The following WASF2 variants were observed in gnomAD, a reference collection of about 807,000 sequenced individuals.
WASF2 encodes the protein actin-binding protein WASF2.
WASF2 carries 14 observed loss-of-function variants against 45.0 expected under a neutral mutation model. That is an observed-to-expected ratio of 0.31 (90% CI 0.21 to 0.49). The LOEUF is 0.49. Among genes scored for constraint, WASF2 ranks in the 20% least tolerant of loss-of-function variants. The probability of loss-of-function intolerance (pLI) is 0.99; values close to 1 mark genes in which losing one functional copy is unlikely to be tolerated. For synonymous variants in WASF2, 200 were observed against 236.3 expected (o/e 0.85, Z 1.41); for missense variants, 439 against 636.1 (o/e 0.69, Z 3.33).
intron 2 of WASF2, among the ~76,000 whole-genome samples, chr1:27,425,752 T>C (rs964962930): frequency 1.4e-5 from 2 of 141,700 alleles, no homozygotes; most frequent in Admixed American, 1.6e-4. Flanking sequence ...GGCAGGAGAA[T>C]GGCGTGAACC....
intron 1 of WASF2, among the ~76,000 whole-genome samples, chr1:27,473,233 C>T (rs1479229695): frequency 6.6e-6 from 1 of 151,844 alleles, no homozygotes; most frequent in South Asian, 2.1e-4. Flanking sequence ...CTAATTCCAG[C>T]ACTTTCAGAG....
At chr1:27,470,666 G>C (rs943018739) in intron 1 of WASF2, among the ~76,000 whole-genome samples, 1 of 152,026 alleles carries the variant, frequency 6.6e-6, no homozygotes, top group African/African-American at 2.4e-5. Context: ...GGGATTTGGG[G>C]GGCTGGGGAG....
At chr1:27,481,321 G>A (rs1406964013) in intron 1 of WASF2, among the ~76,000 whole-genome samples, 6 of 151,516 alleles carry the variant, frequency 4.0e-5, no homozygotes, top group Non-Finnish European at 1.5e-5. Context: ...TAACGCATGT[G>A]TGTATACACA....
chr1:27,440,922 A>G (rs1571139419), intron 1 of WASF2, among the ~76,000 whole-genome samples: 1 of 151,916 alleles, frequency 6.6e-6, no homozygotes. Context: ...GCTGGAGTGC[A>G]GTAGCACAAT....
intron 2 of WASF2, among the ~76,000 whole-genome samples, chr1:27,426,483 T>G (rs1010646762): frequency 1.7e-4 from 26 of 151,316 alleles, no homozygotes; most frequent in Middle Eastern, 6.8e-3. Flanking sequence ...TGCCTCTTAC[T>G]GGCTGTATCT....
chr1:27,454,823 TA>T (rs202125469), intron 1 of WASF2, among the ~76,000 whole-genome samples: 3,161 of 152,216 alleles, frequency 0.021, 102 homozygotes, highest in African/African-American at 0.071. Context: ...TGTAGGAACA[TA>T]TCATGATTAA....
intron 2 of WASF2, among the ~76,000 whole-genome samples, chr1:27,420,457 A>G (rs1418038311): frequency 6.6e-6 from 1 of 150,922 alleles, no homozygotes; most frequent in Non-Finnish European, 1.5e-5. Flanking sequence ...TCCAAGCCAC[A>G]GGCACATTCT....
chr1:27,442,800 C>T (rs1480539145), intron 1 of WASF2, among the ~76,000 whole-genome samples: 5 of 149,846 alleles, frequency 3.3e-5, no homozygotes, highest in Admixed American at 6.6e-5. Flanking sequence ...CAGGAGTTTG[C>T]GACCAGCCTG....
At chr1:27,451,412 T>C (rs1225698635) in intron 1 of WASF2, among the ~76,000 whole-genome samples, 1 of 152,150 alleles carries the variant, frequency 6.6e-6, no homozygotes, top group Non-Finnish European at 1.5e-5. Flanking sequence ...CCAGGAACAG[T>C]AAATGGCTTA....
At chr1:27,487,605 A>AT (rs1491239066) in intron 1 of WASF2, among the ~76,000 whole-genome samples, 5 of 98,866 alleles carry the variant, frequency 5.1e-5, no homozygotes, top group African/African-American at 2.1e-4. Context: ...ATAATATATA[A>AT]TATATATTAT....
chr1:27,467,321 T>G (rs79254633), intron 1 of WASF2, among the ~76,000 whole-genome samples: 1 of 147,620 alleles, frequency 6.8e-6, no homozygotes, highest in South Asian at 2.1e-4. Flanking sequence ...TGTTTTCTGT[T>G]TTTTTTTTTT....
intron 1 of WASF2, among the ~76,000 whole-genome samples, chr1:27,471,486 G>A (rs1292398764): frequency 6.6e-6 from 1 of 152,006 alleles, no homozygotes; most frequent in Non-Finnish European, 1.5e-5. Context: ...AAATTAGCTG[G>A]GCATGGTGGT....
chr1:27,486,030 T>C (rs1363565472), intron 1 of WASF2, among the ~76,000 whole-genome samples: 3 of 152,052 alleles, frequency 2.0e-5, no homozygotes, highest in East Asian at 1.9e-4. Context: ...GTTTTACCTA[T>C]AGAGATCTAC....
chr1:27,424,668 A>G (rs1006714571), intron 2 of WASF2, among the ~76,000 whole-genome samples: 1 of 152,054 alleles, frequency 6.6e-6, no homozygotes, highest in South Asian at 2.1e-4. Flanking sequence ...GTACAGGCAC[A>G]CGCCACCACA....
chr1:27,418,856 T>C, intron 3 of WASF2, 98 bp downstream of exon 3: 1 of 1,419,614 alleles, frequency 7.0e-7, no homozygotes, highest in Non-Finnish European at 9.4e-7. Flanking sequence ...CTCTGTGATT[T>C]CTCTCCTCAC....
intron 1 of WASF2, among the ~76,000 whole-genome samples, chr1:27,476,206 T>C (rs554533247): frequency 6.6e-6 from 1 of 152,340 alleles, no homozygotes; most frequent in Admixed American, 6.5e-5. Context: ...AGGTAAATGG[T>C]GTCTTAGGCC....
At position 27,410,313 on chromosome 1, in the gene WASF2, T is replaced by C. The variant is rs1269728949; in HGVS notation, c.825-107A>G. The stretch of plus-strand genomic sequence containing the variant: ...AGGTTTATCTTGGTTGACTATACCA[T>C]TTCACTTTCACTTAAACAGAAAGAA... On this transcript the variant is annotated intron_variant, in intron 7 of 8. Coordinates refer to ENST00000618852, the MANE Select transcript of WASF2 (RefSeq NM_006990.5). The surrounding 1 kb of genome is among the most constrained non-coding windows in gnomAD (Gnocchi z 4.2). 3 of 1,491,758 alleles carry C rather than the reference T, an allele frequency of 2.0e-6. No individual in the cohort carries two copies. Among genetic ancestry groups the C allele is most frequent in the Non-Finnish European group, 2.7e-6 (3 of 1,115,476 alleles). 92.4% of individuals were successfully genotyped at this position (1,491,758 alleles called of 1,614,324 possible). A position where few individuals can be genotyped will look rare whatever the true frequency, so the allele number is the denominator to read the frequency against.
chr1:27,414,757 G>A lies in WASF2; in HGVS notation c.668+76C>T. ...ACAGACTTCAGGGGGTGTGAAAGGT[G>A]TCACACCAGAGCTGTCAGACTGTTG... is the stretch of plus-strand genomic sequence containing the variant. On this transcript the variant is annotated intron_variant, in intron 6 of 8. Transcript: ENST00000618852. The surrounding 1 kb of genome is among the most constrained non-coding windows in gnomAD (Gnocchi z 4.1). 1 of 1,554,694 alleles carries A rather than the reference G, an allele frequency of 6.4e-7. No homozygotes were observed. The highest frequency in any genetic ancestry group is 1.2e-5 in the South Asian group (1 of 83,488).
intron 2 of WASF2, among the ~76,000 whole-genome samples, chr1:27,423,426 T>A (rs2016935284): frequency 6.6e-6 from 1 of 152,284 alleles, no homozygotes; most frequent in African/African-American, 2.4e-5. Flanking sequence ...CCTCAAGTGA[T>A]CCGCCTTGGC....
Sources: allele counts gnomAD v4.1 joint callset (sites outside exome capture counted in the v4.1 genomes callset), GRCh38; gene constraint gnomAD v4.1.1; non-coding constraint Gnocchi (gnomAD v3.1); transcripts MANE v1.5; gene names NCBI Gene and HGNC (gene_info 2026-07-23, HGNC 2026-07-21).